Variants in CNTN6 observed in about 807,000 individuals in gnomAD.
CNTN6 encodes the protein contactin 6, also known as contactin-6.
Under a neutral mutation model 122.8 loss-of-function variants are expected in CNTN6, and 137 were observed. The observed-to-expected ratio is 1.12, with a 90% CI of 0.97 to 1.29. The LOEUF (loss-of-function observed/expected upper bound fraction) is 1.29. Ranked by LOEUF, CNTN6 falls within the 50% of genes most tolerant of loss-of-function variation. The pLI, the probability that CNTN6 is intolerant of heterozygous loss-of-function variation, is 0.00. For missense variants in CNTN6, 1,634 were observed against 1,223.4 expected, an observed-to-expected ratio of 1.34 and a Z score of -5.01; for synonymous variants, 570 against 426.0, an observed-to-expected ratio of 1.34 and a Z score of -4.16.
At chr3:1,173,811 G>A (rs1463115994) in intron 2 of CNTN6, among the ~76,000 whole-genome samples, 1 of 151,438 alleles carries the variant, frequency 6.6e-6, no homozygotes, top group Non-Finnish European at 1.5e-5. Flanking sequence ...TGAGCTAGAC[G>A]AGAATTCTGA....
intron 1 of CNTN6, among the ~76,000 whole-genome samples, chr3:1,110,753 G>A (rs1037205639): frequency 8.6e-5 from 13 of 151,996 alleles, no homozygotes; most frequent in African/African-American, 2.7e-4. Context: ...AAGCTAGAAC[G>A]ATGTGCAGTT....
chr3:1,287,949 T>C (rs1202753860), intron 5 of CNTN6, among the ~76,000 whole-genome samples: 1 of 151,992 alleles, frequency 6.6e-6, no homozygotes, highest in Non-Finnish European at 1.5e-5. Context: ...AAGTAGCCAC[T>C]GTTACTTATT....
intron 1 of CNTN6, among the ~76,000 whole-genome samples, chr3:1,120,403 A>G (rs999870957): frequency 1.3e-5 from 2 of 151,892 alleles, no homozygotes; most frequent in African/African-American, 2.4e-5. Context: ...TATTCTGGGT[A>G]TGAAGTGCTA....
At chr3:1,131,371 G>A (rs1459137340) in intron 1 of CNTN6, among the ~76,000 whole-genome samples, 1 of 152,096 alleles carries the variant, frequency 6.6e-6, no homozygotes, top group South Asian at 2.1e-4. Flanking sequence ...GCTTCCAAAG[G>A]AACAATTAGT....
intron 2 of CNTN6, among the ~76,000 whole-genome samples, chr3:1,187,206 C>G (rs1439786554): frequency 1.3e-5 from 2 of 151,938 alleles, no homozygotes; most frequent in Non-Finnish European, 2.9e-5. Flanking sequence ...AGGCAAGCAA[C>G]TCAAAAAAAA....
In CNTN6 at chr3:1,263,119, A is replaced by G. The variant is rs574687758; in HGVS notation, c.359-15294A>G. ...GAACATTTTATAGATCCATTCACCC[A>G]TTCCTCTTTTCAGCAAATGTTCTTG... is the stretch of plus-strand genomic sequence containing the variant. On this transcript the variant is annotated intron_variant, in intron 4 of 22. Coordinates refer to ENST00000446702, the MANE Select transcript of CNTN6 (RefSeq NM_001289080.2). Among the ~76,000 whole-genome samples, 4 of 152,226 alleles carry G rather than the reference A, an allele frequency of 2.6e-5. No individual in the cohort carries two copies. In the South Asian group the frequency reaches 8.3e-4, roughly 32 times the overall value.
intron 4 of CNTN6, among the ~76,000 whole-genome samples, chr3:1,274,394 G>C (rs1231592581): frequency 6.6e-6 from 1 of 152,192 alleles, no homozygotes; most frequent in African/African-American, 2.4e-5. Flanking sequence ...TCCTAAATTA[G>C]TATAAAGCTA....
At chr3:1,193,678 T>A (rs995993524) in intron 2 of CNTN6, among the ~76,000 whole-genome samples, 7 of 152,102 alleles carry the variant, frequency 4.6e-5, no homozygotes, top group African/African-American at 1.7e-4. Flanking sequence ...TATGTTCCAA[T>A]GTAGTTTCAT....
chr3:1,256,957 T>A (rs950436668), intron 4 of CNTN6, among the ~76,000 whole-genome samples: 12 of 152,282 alleles, frequency 7.9e-5, no homozygotes, highest in African/African-American at 2.6e-4. Flanking sequence ...GCATCTTGAT[T>A]AACAACCTTT....
At chr3:1,314,878 T>G (rs988457980) in intron 7 of CNTN6, among the ~76,000 whole-genome samples, 1 of 152,032 alleles carries the variant, frequency 6.6e-6, no homozygotes, top group Non-Finnish European at 1.5e-5. Context: ...AAGAAAAGGC[T>G]TTTGCAATGC....
At chr3:1,219,959 G>A (rs184036298) in intron 2 of CNTN6, among the ~76,000 whole-genome samples, 14 of 131,870 alleles carry the variant, frequency 1.1e-4, no homozygotes, top group Non-Finnish European at 8.1e-5. Flanking sequence ...CTGTGATTGT[G>A]CCACTGCAAT....
At chr3:1,281,690 G>A (rs990480864) in intron 5 of CNTN6, among the ~76,000 whole-genome samples, 9 of 151,900 alleles carry the variant, frequency 5.9e-5, no homozygotes, top group Non-Finnish European at 1.0e-4. Context: ...TGCCCGCCTC[G>A]GCCTCCCAAA....
intron 4 of CNTN6, 144 bp from the exon 5 acceptor site, chr3:1,278,269 T>C (rs1285112207): frequency 1.9e-5 from 11 of 566,864 alleles, no homozygotes; most frequent in Non-Finnish European, 3.4e-5. Context: ...TAAGTGCAGT[T>C]AAATTGATTG....
At chr3:1,178,141 T>G (rs1261343653) in intron 2 of CNTN6, among the ~76,000 whole-genome samples, 2 of 152,078 alleles carry the variant, frequency 1.3e-5, no homozygotes, top group Non-Finnish European at 2.9e-5. Context: ...CCTCAAATGA[T>G]CCACCCACCT....
At chr3:1,365,736 CTTTCA>C (rs1468693513) in intron 12 of CNTN6, among the ~76,000 whole-genome samples, 1 of 151,918 alleles carries the variant, frequency 6.6e-6, no homozygotes, top group East Asian at 1.9e-4. Flanking sequence ...ATAAGAATTC[CTTTCA>C]TTTAGGAATT....
chr3:1,302,346 C>G (rs1012913531), intron 7 of CNTN6, among the ~76,000 whole-genome samples: 1 of 152,052 alleles, frequency 6.6e-6, no homozygotes, highest in African/African-American at 2.4e-5. Context: ...GTTGCATAAC[C>G]TCAAAACTGA....
chr3:1,124,486 C>T (rs1055775974), intron 1 of CNTN6, among the ~76,000 whole-genome samples: 4 of 151,718 alleles, frequency 2.6e-5, no homozygotes, highest in Non-Finnish European at 4.4e-5. Flanking sequence ...TTTTCTAATC[C>T]GAACATCCTG....
chr3:1,148,196 T>A (rs946157711), intron 2 of CNTN6, 133 bp downstream of exon 2: 7 of 665,136 alleles, frequency 1.1e-5, no homozygotes, highest in African/African-American at 1.8e-5. Context: ...GTTTTGAAGG[T>A]AACTTCTATG....
At chr3:1,198,505 C>T (rs1027774520) in intron 2 of CNTN6, among the ~76,000 whole-genome samples, 1 of 152,040 alleles carries the variant, frequency 6.6e-6, no homozygotes, top group African/African-American at 2.4e-5. Context: ...GGTGGATCAC[C>T]TGAGGTTAGG....
Sources: gnomAD v4.1 joint callset for allele counts (sites outside exome capture counted in the v4.1 genomes callset) on GRCh38, gnomAD v4.1.1 for gene constraint, MANE v1.5 for transcripts, NCBI Gene and HGNC (gene_info 2026-07-23, HGNC 2026-07-21) for gene names.